The following RAP2A variants were observed in gnomAD, a reference collection of about 807,000 sequenced individuals.
RAP2A encodes RAP2A, member of RAS oncogene family, also known as ras-related protein Rap-2a.
In RAP2A, 5 loss-of-function variants were observed where a neutral mutation model predicts 15.1. The observed-to-expected ratio is 0.33, with a 90% CI of 0.17 to 0.70. The LOEUF is 0.70. RAP2A is among the 30% of genes least tolerant of loss of function. The pLI is 0.68. For missense variants in RAP2A, 111 were observed against 240.3 expected, an observed-to-expected ratio of 0.46 and a Z score of 3.56; for synonymous variants, 110 against 99.7, an observed-to-expected ratio of 1.10 and a Z score of -0.62.
intron 1 of RAP2A, among the ~76,000 whole-genome samples, chr13:97,448,608 T>G (rs2066689476): frequency 6.6e-6 from 1 of 152,286 alleles, no homozygotes; most frequent in African/African-American, 2.4e-5. Context: ...CTGGGACTTA[T>G]TTCTAGGTCC....
chr13:97,440,145 G>A (rs1012300282), intron 1 of RAP2A, among the ~76,000 whole-genome samples: 8 of 152,056 alleles, frequency 5.3e-5, no homozygotes, highest in Admixed American at 1.3e-4. Flanking sequence ...CTCTGCTACC[G>A]TTTTTCCCTC....
In RAP2A at chr13:97,464,364, A is replaced by T. The variant is rs903171926; in HGVS notation, c.474A>T (p.Ala158=). ...KSKTMVDELF[A]EIVRQMNYAA... ...AAACAATGGTGGACGAACTCTTTGCAGAAATTGTGAGGCAGATGAACTATG... is the reference window on the plus strand; with the variant it reads ...AAACAATGGTGGACGAACTCTTTGCTGAAATTGTGAGGCAGATGAACTATG... The change falls in exon 2 of 2, where the codon GCA becomes GCT. Residue 158 remains alanine (A), a synonymous_variant. Coordinates refer to ENST00000245304, the MANE Select transcript of RAP2A (RefSeq NM_021033.7). 1.1e-5 allele frequency: 17 copies of T among 1,614,128 alleles called. No individual in the cohort carries two copies. The highest frequency in any genetic ancestry group is 1.4e-5 in the Non-Finnish European group (17 of 1,180,042).
rs2066772691 is a variant in RAP2A, at chr13:97,466,624, A to G, written c.*2182A>G. On this transcript the variant is annotated 3_prime_UTR_variant, in exon 2 of 2. Transcript: ENST00000245304. ...ATCTATAAAGATTCCACAGTTTGAC[A>G]TTATGGCTTGCTATGCAGATGTGAA... 1 of 152,226 alleles carries G rather than the reference A, an allele frequency of 6.6e-6. No homozygotes were observed. Among genetic ancestry groups the G allele is most frequent in the African/African-American group, 2.4e-5 (1 of 41,452 alleles). 9.4% of individuals were successfully genotyped at this position (152,226 alleles called of 1,614,324 possible). A position where few individuals can be genotyped will look rare whatever the true frequency, so the allele number is the denominator to read the frequency against.
intron 1 of RAP2A, among the ~76,000 whole-genome samples, chr13:97,460,659 T>C (rs576501680): frequency 2.6e-5 from 4 of 152,310 alleles, no homozygotes; most frequent in Admixed American, 2.6e-4. Context: ...GGATCCAGAT[T>C]TCTCCAAATG....
chr13:97,435,533 T>G (rs1303976009), intron 1 of RAP2A, among the ~76,000 whole-genome samples: 1 of 149,634 alleles, frequency 6.7e-6, no homozygotes, highest in Non-Finnish European at 1.5e-5. Context: ...AAACAGAAGC[T>G]TCTTCAAAAG....
chr13:97,444,348 TTTG>T (rs139320730), intron 1 of RAP2A, among the ~76,000 whole-genome samples: 35,148 of 152,110 alleles, frequency 0.23, 5,064 homozygotes, highest in South Asian at 0.39. Context: ...CATATTAGTA[TTTG>T]TTAACACTTC....
At chr13:97,442,831 C>A (rs939197487) in intron 1 of RAP2A, among the ~76,000 whole-genome samples, 1 of 152,136 alleles carries the variant, frequency 6.6e-6, no homozygotes, top group South Asian at 2.1e-4. Context: ...TGAAGTACTT[C>A]CCAATGTGAG....
rs985777905 is a variant in RAP2A at position 97,460,970 on chromosome 13, C to T, written c.315-3235C>T. On this transcript the variant is annotated intron_variant, in intron 1 of 1. Transcript: ENST00000245304. The stretch of plus-strand genomic sequence containing the variant: ...CTTTACCTCCTTTGATCAGTTTCTC[C>T]GGCTCCTTCTTCACCCTTTGTGGCT... Among the ~76,000 whole-genome samples the T allele has an allele frequency of 5.1e-4, 77 of 152,224 alleles. 1 individual carries two copies. The highest frequency in any genetic ancestry group is 1.7e-3 in the African/African-American group (70 of 41,526).
intron 1 of RAP2A, among the ~76,000 whole-genome samples, chr13:97,453,944 T>TGATGG (rs1210222355): frequency 6.6e-6 from 1 of 151,406 alleles, no homozygotes; most frequent in Non-Finnish European, 1.5e-5. Flanking sequence ...ATCTACATCC[T>TGATGG]CTTCAGTGAA....
In RAP2A at chr13:97,464,687, C is replaced by T. The variant is rs924892347; in HGVS notation, c.*245C>T. 5 of 523,224 alleles carry T rather than the reference C, an allele frequency of 9.6e-6. No individual in the cohort carries two copies. The highest frequency in any genetic ancestry group is 9.5e-5 in the African/African-American group (5 of 52,642). 32.4% of individuals were successfully genotyped at this position (523,224 alleles called of 1,614,324 possible). A position where few individuals can be genotyped will look rare whatever the true frequency, so the allele number is the denominator to read the frequency against. On this transcript the variant is annotated 3_prime_UTR_variant, in exon 2 of 2. Coordinates refer to ENST00000245304, the MANE Select transcript of RAP2A (RefSeq NM_021033.7). ...TCTGCAACTTTAAGGCATAGTCCAT[C>T]GATCTACAGGGTGATCTCATTTGAA...
At chr13:97,435,486 A>C (rs962400347) in intron 1 of RAP2A, among the ~76,000 whole-genome samples, 15 of 149,776 alleles carry the variant, frequency 1.0e-4, no homozygotes, top group Admixed American at 2.0e-4. Flanking sequence ...AAAAAAAAAA[A>C]ACACCACCAC....
chr13:97,455,998 C>T (rs574025547), intron 1 of RAP2A, among the ~76,000 whole-genome samples: 5 of 151,448 alleles, frequency 3.3e-5, no homozygotes, highest in South Asian at 2.1e-4. Context: ...CCACTCTCTT[C>T]GGGACTGAGG....
Position 97,466,451 on chromosome 13 carries a change from T to C in RAP2A, c.*2009T>C, listed in dbSNP as rs114196679. On this transcript the variant is annotated 3_prime_UTR_variant, in exon 2 of 2. Transcript: ENST00000245304. ...TTGATTCAAACATGTAGAGAAGTTG[T>C]AGATTCAAGATATATGATTTCTCTA... The C allele has an allele frequency of 2.6e-3, 397 of 152,342 alleles. 1 individual carries two copies. Among genetic ancestry groups the C allele is most frequent in the African/African-American group, 8.9e-3 (371 of 41,576 alleles). The allele number at this position is 152,342 out of a possible 1,614,324, so 9.4% of individuals were successfully genotyped here. A position where few individuals can be genotyped will look rare whatever the true frequency, so the allele number is the denominator to read the frequency against.
chr13:97,434,642 A>C lies in RAP2A; in HGVS notation c.172A>C (p.Thr58Pro). 1 of 1,614,154 alleles carries C rather than the reference A, an allele frequency of 6.2e-7. No individual in the cohort carries two copies. The highest frequency in any genetic ancestry group is 8.5e-7 in the Non-Finnish European group (1 of 1,180,008). Residue 58 changes from threonine to proline, a missense_variant, in exon 1 of 2, where the codon ACG becomes CCG. Physicochemically the swap from Thr to Pro is conservative, Grantham distance 38 (BLOSUM62 -1). Transcript: ENST00000245304. ...SSPSVLEILDTAGTEQFASMR... is the reference protein window; with the variant it reads ...SSPSVLEILDPAGTEQFASMR... Reference sequence around the variant, plus strand: ...GCCGTCGGTGCTGGAGATCCTGGACACGGCGGGCACCGAGCAGTTCGCGTC... The same window carrying C: ...GCCGTCGGTGCTGGAGATCCTGGACCCGGCGGGCACCGAGCAGTTCGCGTC...
intron 1 of RAP2A, among the ~76,000 whole-genome samples, chr13:97,457,528 C>T (rs538541130): frequency 7.9e-5 from 12 of 151,744 alleles, no homozygotes; most frequent in South Asian, 6.3e-4. Flanking sequence ...TCTTCATATA[C>T]GCTAATGGAG....
chr13:97,463,034 A>T (rs1423734063), intron 1 of RAP2A, among the ~76,000 whole-genome samples: 2 of 152,136 alleles, frequency 1.3e-5, no homozygotes, highest in Non-Finnish European at 1.5e-5. Flanking sequence ...TTCCAGTCAC[A>T]TTTGTTATCA....
intron 1 of RAP2A, among the ~76,000 whole-genome samples, chr13:97,453,956 T>C (rs1388281596): frequency 6.6e-6 from 1 of 151,364 alleles, no homozygotes; most frequent in Non-Finnish European, 1.5e-5. Context: ...TTCAGTGAAA[T>C]GTCTATTCAT....
chr13:97,463,748 C>G (rs2066758304), intron 1 of RAP2A, among the ~76,000 whole-genome samples: 1 of 152,166 alleles, frequency 6.6e-6, no homozygotes, highest in African/African-American at 2.4e-5. Flanking sequence ...TGCCACCACA[C>G]CCAGCTGATT....
intron 1 of RAP2A, among the ~76,000 whole-genome samples, chr13:97,442,133 C>T (rs1045312360): frequency 6.6e-6 from 1 of 152,010 alleles, no homozygotes; most frequent in Non-Finnish European, 1.5e-5. Flanking sequence ...TTGTGGACAT[C>T]TGCATTTCAG....
Sources: allele counts gnomAD v4.1 joint callset (sites outside exome capture counted in the v4.1 genomes callset), GRCh38; gene constraint gnomAD v4.1.1; transcripts MANE v1.5; gene names NCBI Gene and HGNC (gene_info 2026-07-23, HGNC 2026-07-21).